PHF20: variants seen among roughly 807,000 people sequenced by gnomAD.
PHF20 encodes PHD finger protein 20, also known as glioma-expressed antigen 2.
In PHF20, 23 loss-of-function variants were observed where a neutral mutation model predicts 113.5. The ratio of observed to expected loss-of-function variants is 0.20; its 90% CI spans 0.15 to 0.29. The LOEUF is 0.29. PHF20 is among the 10% of genes least tolerant of loss of function. The pLI, the probability that PHF20 is intolerant of heterozygous loss-of-function variation, is 1.00. For missense variants in PHF20, 943 were observed against 1,219.6 expected (o/e 0.77, Z 3.38); for synonymous variants, 434 against 457.3 (o/e 0.95, Z 0.65).
intron 2 of PHF20, among the ~76,000 whole-genome samples, chr20:35,804,488 G>A (rs907134783): frequency 2.0e-5 from 3 of 151,772 alleles, no homozygotes; most frequent in African/African-American, 4.8e-5. Flanking sequence ...CACCCTCCTC[G>A]GTCTCCCAAA....
At chr20:35,857,504 G>C (rs1377145885) in intron 4 of PHF20, among the ~76,000 whole-genome samples, 1 of 145,034 alleles carries the variant, frequency 6.9e-6, no homozygotes, top group Non-Finnish European at 1.5e-5. Flanking sequence ...AATGGATTTT[G>C]AGTTGTGGAA....
At chr20:35,830,196 G>C (rs1221527560) in intron 2 of PHF20, among the ~76,000 whole-genome samples, 1 of 152,194 alleles carries the variant, frequency 6.6e-6, no homozygotes, top group African/African-American at 2.4e-5. Flanking sequence ...TTACAGGTGT[G>C]AGCCACCGTG....
chr20:35,844,407 T>TTG, intron 3 of PHF20, among the ~76,000 whole-genome samples: 1 of 141,950 alleles, frequency 7.0e-6, no homozygotes, highest in East Asian at 2.0e-4. Flanking sequence ...CAGCCGGTTT[T>TTG]TTTTTTTTGG....
chr20:35,849,376 G>C, intron 4 of PHF20: 1 of 467,424 alleles, frequency 2.1e-6, no homozygotes, highest in Non-Finnish European at 4.4e-6. Flanking sequence ...CCCAGAGCTT[G>C]GCATCATGAA....
At chr20:35,806,036 T>A (rs1244778756) in intron 2 of PHF20, among the ~76,000 whole-genome samples, 3 of 152,008 alleles carry the variant, frequency 2.0e-5, no homozygotes, top group Admixed American at 6.6e-5. Flanking sequence ...AGCTAATTTT[T>A]GTATTTTTAG....
Position 35,913,304 on chromosome 20 carries a change from G to A in PHF20, c.1617G>A (p.Val539=). The A allele has an allele frequency of 2.5e-6, 4 of 1,602,116 alleles. No homozygotes were observed. Among genetic ancestry groups the A allele is most frequent in the Non-Finnish European group, 3.4e-6 (4 of 1,174,876 alleles). ...AGAAATTCAAGGAGTTTGTGAGAGT[G>A]AAGCCAAAGAAGAAAAAGAAAAAGA... ...KEKKFKEFVR[V]KPKKKKKKKK... The change falls in exon 11 of 18, where the codon GTG becomes GTA. Residue 539 remains valine, a synonymous_variant. Transcript: ENST00000374012.
At chr20:35,816,639 A>G (rs2042079187) in intron 2 of PHF20, among the ~76,000 whole-genome samples, 2 of 151,674 alleles carry the variant, frequency 1.3e-5, no homozygotes, top group Non-Finnish European at 2.9e-5. Flanking sequence ...ATTTTAGTAG[A>G]GTTCGGGTTT....
intron 2 of PHF20, among the ~76,000 whole-genome samples, chr20:35,812,835 T>A (rs56904633): frequency 0.11 from 16,677 of 152,250 alleles, 953 homozygotes; most frequent in South Asian, 0.16. Context: ...CCACATCATT[T>A]ACCTAATGAT....
intron 1 of PHF20, among the ~76,000 whole-genome samples, chr20:35,787,829 G>A (rs1196931199): frequency 6.6e-6 from 1 of 151,858 alleles, no homozygotes; most frequent in East Asian, 1.9e-4. Flanking sequence ...CTCCCTGGCT[G>A]GAATGCAGTG....
chr20:35,799,697 T>C (rs1412604903), intron 1 of PHF20, among the ~76,000 whole-genome samples: 1 of 152,088 alleles, frequency 6.6e-6, no homozygotes, highest in Non-Finnish European at 1.5e-5. Context: ...AGATGGAGTC[T>C]TGCTCTGTCA....
chr20:35,796,634 TG>T (rs2041672014), intron 1 of PHF20, among the ~76,000 whole-genome samples: 1 of 152,216 alleles, frequency 6.6e-6, no homozygotes, highest in Non-Finnish European at 1.5e-5. Flanking sequence ...TGTTATATAA[TG>T]GTGTGATAAT....
At chr20:35,903,077 C>CCTTTCCTTTCT (rs1555799692) in intron 10 of PHF20, among the ~76,000 whole-genome samples, 3 of 60,006 alleles carry the variant, frequency 5.0e-5, no homozygotes, top group African/African-American at 2.0e-4. Context: ...CCTATCCTTT[C>CCTTTCCTTTCT]TTTTTTTTTT....
At chr20:35,940,824 C>T in intron 16 of PHF20, 40 bp from the exon 17 acceptor site, 1 of 1,552,144 alleles carries the variant, frequency 6.4e-7, no homozygotes, top group Middle Eastern at 1.7e-4. Flanking sequence ...GGGCCAGGGG[C>T]TATCTCCATT....
intron 9 of PHF20, among the ~76,000 whole-genome samples, chr20:35,884,184 G>A (rs796518912): frequency 3.3e-5 from 5 of 152,284 alleles, no homozygotes; most frequent in African/African-American, 1.2e-4. Flanking sequence ...GAAATAGGGC[G>A]GGACCATGAC....
intron 6 of PHF20, among the ~76,000 whole-genome samples, chr20:35,867,221 C>G (rs766968630): frequency 6.6e-6 from 1 of 152,040 alleles, no homozygotes; most frequent in Non-Finnish European, 1.5e-5. Context: ...TGATTGGGAA[C>G]AGGATCTGAG....
chr20:35,772,151 G>C (rs2041067917), intron 1 of PHF20, 72 bp downstream of exon 1: 1 of 149,772 alleles, frequency 6.7e-6, no homozygotes, highest in Admixed American at 6.6e-5. Flanking sequence ...CGCGCGCCGT[G>C]CGGGCGGGGA....
At chr20:35,867,329 G>A (rs901035697) in intron 6 of PHF20, among the ~76,000 whole-genome samples, 3 of 151,982 alleles carry the variant, frequency 2.0e-5, no homozygotes, top group Non-Finnish European at 2.9e-5. Flanking sequence ...GCATGATCTC[G>A]GCTCATTGTA....
At chr20:35,905,536 T>C (rs1006715126) in intron 10 of PHF20, among the ~76,000 whole-genome samples, 3 of 152,136 alleles carry the variant, frequency 2.0e-5, no homozygotes, top group Non-Finnish European at 2.9e-5. Context: ...AAGATGGCCA[T>C]CTGCAAACTG....
At chr20:35,800,924 CAAAG>C (rs2041768957) in intron 1 of PHF20, among the ~76,000 whole-genome samples, 1 of 152,106 alleles carries the variant, frequency 6.6e-6, no homozygotes, top group Admixed American at 6.6e-5. Context: ...CTCCTGGGCT[CAAAG>C]AAACAACTTG....
Sources: allele counts gnomAD v4.1 joint callset (sites outside exome capture counted in the v4.1 genomes callset), GRCh38; gene constraint gnomAD v4.1.1; transcripts MANE v1.5; gene names NCBI Gene and HGNC (gene_info 2026-07-23, HGNC 2026-07-21).